The following RFX4 variants were observed in gnomAD, a reference collection of about 807,000 sequenced individuals.
RFX4 encodes regulatory factor X4, also known as transcription factor RFX4.
RFX4 carries 10 observed loss-of-function variants against 95.0 expected under a neutral mutation model. That is an observed-to-expected ratio of 0.11 (90% confidence interval 0.06 to 0.18). RFX4 has a LOEUF of 0.18. RFX4 is among the 10% of genes least tolerant of loss of function. RFX4 has a pLI of 1.00. For synonymous variants in RFX4, 321 were observed against 340.7 expected (o/e 0.94, Z 0.64); for missense variants, 640 against 922.0 (o/e 0.69, Z 3.96).
At chr12:106,600,232 C>A (rs1472042820) in intron 1 of RFX4, among the ~76,000 whole-genome samples, 3 of 152,338 alleles carry the variant, frequency 2.0e-5, no homozygotes, top group Middle Eastern at 3.4e-3. Context: ...CATCTTTCTT[C>A]TGCCTGCTTC....
At chr12:106,699,291 C>A (rs1290028408) in intron 8 of RFX4, among the ~76,000 whole-genome samples, 2 of 152,032 alleles carry the variant, frequency 1.3e-5, no homozygotes, top group Non-Finnish European at 2.9e-5. Context: ...TATATCAATT[C>A]TTTTAAGTTG....
chr12:106,749,326 G>T (rs898916671), intron 16 of RFX4, among the ~76,000 whole-genome samples: 1 of 151,812 alleles, frequency 6.6e-6, no homozygotes, highest in Non-Finnish European at 1.5e-5. Flanking sequence ...CACAGGCCAG[G>T]TTCCAACAGA....
intron 7 of RFX4, among the ~76,000 whole-genome samples, chr12:106,694,664 A>G (rs559008120): frequency 6.6e-6 from 1 of 152,314 alleles, no homozygotes; most frequent in South Asian, 2.1e-4. Context: ...AATAAGAGTA[A>G]TGATTCTCAG....
intron 4 of RFX4, among the ~76,000 whole-genome samples, chr12:106,667,085 T>G (rs543598755): frequency 1.4e-4 from 21 of 152,316 alleles, no homozygotes; most frequent in African/African-American, 5.1e-4. Flanking sequence ...CTCAATCCTT[T>G]AGTAAGCCTA....
chr12:106,761,234 G>A lies in RFX4; in HGVS notation c.1973G>A (p.Cys658Tyr), dbSNP rs1457227699. Residue 658 changes from cysteine to tyrosine, a missense_variant, in exon 18 of 18, where the codon TGT (cysteine) becomes TAT (tyrosine). By Grantham distance (194) the Cys-to-Tyr change is radical. Around this residue, in one of 7 missense-constraint regions of RFX4, gnomAD observed 300 missense variants for 346.8 expected, o/e 0.87. Transcript: ENST00000392842. Reference sequence around the variant, plus strand: ...AGCCCCACTTCCCGGATGGAACCTTGTTTGATGAGCAGTACTCCCAGACTG... The same window carrying A: ...AGCCCCACTTCCCGGATGGAACCTTATTTGATGAGCAGTACTCCCAGACTG... ...FNSPTSRMEPCLMSSTPRLHP... is the reference protein window; with the variant it reads ...FNSPTSRMEPYLMSSTPRLHP... 6.2e-7 allele frequency: 1 copy of A among 1,613,948 alleles called. No individual in the cohort carries two copies. The highest frequency in any genetic ancestry group is 8.5e-7 in the Non-Finnish European group (1 of 1,179,984).
chr12:106,695,679 C>T (rs1454975408), intron 7 of RFX4, among the ~76,000 whole-genome samples: 1 of 152,168 alleles, frequency 6.6e-6, no homozygotes, highest in Non-Finnish European at 1.5e-5. Context: ...CACCATCTAG[C>T]ATCCCATATA....
At chr12:106,710,353 C>T (rs1476856721) in intron 9 of RFX4, among the ~76,000 whole-genome samples, 1 of 152,134 alleles carries the variant, frequency 6.6e-6, no homozygotes, top group Non-Finnish European at 1.5e-5. Flanking sequence ...TATTTCATGG[C>T]TCTCAGCTCT....
At position 106,608,761 on chromosome 12, in the gene RFX4, T is replaced by G. The variant is rs2039891636; in HGVS notation, c.44-36T>G. Reference sequence around the variant, plus strand: ...AATTCTGTGATTTTCTTTTTTCTTTTTCTTTTCTTTCTTTCTTTCTTTTTT... The same window carrying G: ...AATTCTGTGATTTTCTTTTTTCTTTGTCTTTTCTTTCTTTCTTTCTTTTTT... On this transcript the variant is annotated intron_variant, in intron 1 of 17. Transcript: ENST00000392842. The G allele has an allele frequency of 2.6e-6, 4 of 1,551,792 alleles. No homozygotes were observed. In the East Asian group the frequency reaches 9.2e-5, roughly 36 times the overall value.
At chr12:106,598,454 C>T (rs2039651249) in intron 1 of RFX4, among the ~76,000 whole-genome samples, 1 of 151,962 alleles carries the variant, frequency 6.6e-6, no homozygotes, top group Non-Finnish European at 1.5e-5. Flanking sequence ...AGATATGAGA[C>T]TTGCGACCAA....
chr12:106,597,707 T>C (rs1480201929), intron 1 of RFX4, among the ~76,000 whole-genome samples: 1 of 151,998 alleles, frequency 6.6e-6, no homozygotes, highest in Non-Finnish European at 1.5e-5. Context: ...TTAAAAACAA[T>C]AACATGGCCA....
chr12:106,727,326 A>C (rs1051192706), intron 13 of RFX4, among the ~76,000 whole-genome samples: 7 of 152,170 alleles, frequency 4.6e-5, no homozygotes, highest in Non-Finnish European at 8.8e-5. Context: ...CTAGGAATAG[A>C]AGGGAATTTA....
chr12:106,585,172 A>G (rs545012250), intron 1 of RFX4, among the ~76,000 whole-genome samples: 1 of 152,350 alleles, frequency 6.6e-6, no homozygotes, highest in South Asian at 2.1e-4. Flanking sequence ...CTACATCCCA[A>G]ACCTGCAGTG....
chr12:106,583,485 A>G, intron 1 of RFX4, 122 bp downstream of exon 1: 2 of 885,320 alleles, frequency 2.3e-6, no homozygotes, highest in Non-Finnish European at 3.3e-6. Flanking sequence ...ACCCCAAAGA[A>G]TAACGCAGAG....
At chr12:106,626,478 A>G (rs2040302402) in intron 2 of RFX4, among the ~76,000 whole-genome samples, 1 of 152,154 alleles carries the variant, frequency 6.6e-6, no homozygotes, top group Non-Finnish European at 1.5e-5. Context: ...GCTAGGAATG[A>G]GTTTGGGCCA....
chr12:106,603,597 G>A (rs1271794472), intron 1 of RFX4, among the ~76,000 whole-genome samples: 1 of 152,196 alleles, frequency 6.6e-6, no homozygotes, highest in African/African-American at 2.4e-5. Context: ...TGGGCACTTA[G>A]CACAAGCTTG....
intron 7 of RFX4, among the ~76,000 whole-genome samples, chr12:106,695,735 T>C (rs1486277639): frequency 1.3e-5 from 2 of 152,174 alleles, no homozygotes; most frequent in Non-Finnish European, 2.9e-5. Context: ...AATTCTGATA[T>C]GAAAAGACTT....
At chr12:106,732,097 A>T in intron 13 of RFX4, 33 bp from the exon 14 acceptor site, 1 of 1,609,416 alleles carries the variant, frequency 6.2e-7, no homozygotes, top group Non-Finnish European at 8.5e-7. Context: ...AGACAGCACG[A>T]CTTACTTTCT....
intron 4 of RFX4, among the ~76,000 whole-genome samples, chr12:106,657,796 C>T (rs2040989705): frequency 6.6e-6 from 1 of 152,094 alleles, no homozygotes; most frequent in Non-Finnish European, 1.5e-5. Context: ...GGCCTCATTC[C>T]ATCTCACCTC....
intron 4 of RFX4, among the ~76,000 whole-genome samples, chr12:106,670,113 TA>T (rs1362828222): frequency 6.6e-6 from 1 of 152,196 alleles, no homozygotes; most frequent in African/African-American, 2.4e-5. Flanking sequence ...CAATGCTTGT[TA>T]GTTATGACTT....
Sources: allele counts gnomAD v4.1 joint callset (sites outside exome capture counted in the v4.1 genomes callset), GRCh38; gene constraint gnomAD v4.1.1; regional missense constraint gnomAD v4.1.1; transcripts MANE v1.5; gene names NCBI Gene and HGNC (gene_info 2026-07-23, HGNC 2026-07-21).